Variants in TMEM272 observed in about 807,000 individuals in gnomAD.
TMEM272 encodes transmembrane protein 272, also known as long intergenic non-protein coding RNA 282.
Under a neutral mutation model 3.7 loss-of-function variants are expected in TMEM272, and 8 were observed. The ratio of observed to expected loss-of-function variants is 2.17; its 90% CI spans 1.27 to 3.91. The LOEUF (loss-of-function observed/expected upper bound fraction) is 3.91, where lower values mean the gene tolerates loss of function less well. Ranked by LOEUF, TMEM272 falls within the 30% of genes most tolerant of loss-of-function variation. TMEM272 has a pLI of 0.00. For synonymous variants in TMEM272, 63 were observed against 39.8 expected, an observed-to-expected ratio of 1.58 and a Z score of -2.20; for missense variants, 166 against 91.5, an observed-to-expected ratio of 1.81 and a Z score of -3.32.
the TMEM272 span, among the ~76,000 whole-genome samples, chr13:51,859,569 A>G: frequency 6.6e-6 from 1 of 150,990 alleles, no homozygotes; most frequent in Non-Finnish European, 1.5e-5. Context: ...CAGCAAAGGA[A>G]AGGAGACATC....
At chr13:51,854,913 C>T in the TMEM272 span, among the ~76,000 whole-genome samples, 1 of 152,246 alleles carries the variant, frequency 6.6e-6, no homozygotes, top group East Asian at 1.9e-4. Context: ...CATATGAGTA[C>T]TGCACTAGGT....
chr13:51,887,206 T>C, the TMEM272 span, among the ~76,000 whole-genome samples: 2 of 152,334 alleles, frequency 1.3e-5, no homozygotes, highest in South Asian at 4.1e-4. Flanking sequence ...GGGGAGTTGA[T>C]AGTTGTCATT....
intron 2 of TMEM272, among the ~76,000 whole-genome samples, chr13:51,832,769 A>G (rs552704965): frequency 1.3e-5 from 2 of 152,322 alleles, no homozygotes; most frequent in South Asian, 2.1e-4. Flanking sequence ...GGGTATTTTT[A>G]TTAGCACTTA....
At chr13:51,910,833 C>A in the TMEM272 span, among the ~76,000 whole-genome samples, 1 of 152,232 alleles carries the variant, frequency 6.6e-6, no homozygotes, top group Non-Finnish European at 1.5e-5. Context: ...CCCCTTGTTA[C>A]ACTCTACATC....
intron 2 of TMEM272, among the ~76,000 whole-genome samples, chr13:51,829,153 A>G (rs1956151452): frequency 6.6e-6 from 1 of 152,236 alleles, no homozygotes; most frequent in Non-Finnish European, 1.5e-5. Context: ...ATTAAACACA[A>G]GTTGTGTCAT....
At chr13:51,929,514 G>A in the TMEM272 span, among the ~76,000 whole-genome samples, 52 of 152,214 alleles carry the variant, frequency 3.4e-4, no homozygotes, top group Admixed American at 1.3e-4. Context: ...TGGTCAGATA[G>A]ACACGGGATG....
the TMEM272 span, among the ~76,000 whole-genome samples, chr13:51,874,880 CTT>C: frequency 1.3e-5 from 2 of 152,168 alleles, no homozygotes; most frequent in Admixed American, 1.3e-4. Flanking sequence ...GAAATGAGCT[CTT>C]AAGTAATATA....
rs771166493 is a variant in TMEM272 at position 51,817,009 on chromosome 13, C to T, written c.306G>A (p.Ala102=). ...DDDEYPWRQN[A]HRYYIHLLLS... is the part of the protein sequence containing the mutation. ...GCAGGAGGTGGATGTAGTATCTGTG[C>T]GCATTCTGCCTCCAGGGGTATTCGT... The change falls in exon 5 of 5, where the codon GCG becomes GCA. Residue 102 remains alanine, a synonymous_variant. Transcript: ENST00000629372. The T allele has an allele frequency of 1.5e-4, 107 of 702,888 alleles. No individual in the cohort carries two copies. Among genetic ancestry groups the T allele is most frequent in the Non-Finnish European group, 2.4e-4 (91 of 385,014 alleles). The allele number at this position is 702,888 out of a possible 1,614,324, so 43.5% of individuals were successfully genotyped here.
chr13:51,859,554 C>CACA, the TMEM272 span, among the ~76,000 whole-genome samples: 4 of 125,226 alleles, frequency 3.2e-5, no homozygotes, highest in Non-Finnish European at 7.1e-5. Context: ...ACACAGACAC[C>CACA]CCCTCAGCAA....
At chr13:51,921,529 C>T in the TMEM272 span, 4 of 152,328 alleles carry the variant, frequency 2.6e-5, no homozygotes, top group East Asian at 1.9e-4. Flanking sequence ...GGGAATCTAC[C>T]GAGGTGGGGC....
the TMEM272 span, among the ~76,000 whole-genome samples, chr13:51,906,171 A>C: frequency 6.6e-6 from 1 of 152,130 alleles, no homozygotes; most frequent in Non-Finnish European, 1.5e-5. Context: ...GCATGTCAGT[A>C]CCCCCTGCAA....
chr13:51,921,911 CGT>C, the TMEM272 span, among the ~76,000 whole-genome samples: 6 of 151,778 alleles, frequency 4.0e-5, no homozygotes, highest in Non-Finnish European at 8.8e-5. Flanking sequence ...CCACTGTGTG[CGT>C]GTGTGTGTGT....
chr13:51,931,198 C>A, the TMEM272 span, among the ~76,000 whole-genome samples: 8 of 151,448 alleles, frequency 5.3e-5, no homozygotes, highest in African/African-American at 1.7e-4. Flanking sequence ...ATAGTAAAGG[C>A]TTGGAACCAA....
the TMEM272 span, among the ~76,000 whole-genome samples, chr13:51,892,655 T>C: frequency 2.6e-5 from 4 of 152,152 alleles, no homozygotes; most frequent in African/African-American, 9.7e-5. Context: ...CCCAGCTCCA[T>C]CACACAGCCT....
chr13:51,892,000 G>C, the TMEM272 span, among the ~76,000 whole-genome samples: 1 of 152,216 alleles, frequency 6.6e-6, no homozygotes, highest in Non-Finnish European at 1.5e-5. Context: ...GTAATGCTAT[G>C]CGAGCTCACA....
the TMEM272 span, among the ~76,000 whole-genome samples, chr13:51,880,620 A>G: frequency 8.6e-6 from 1 of 116,318 alleles, no homozygotes; most frequent in Non-Finnish European, 1.8e-5. Context: ...AAAATAAAAT[A>G]AAAAAATTGA....
intron 1 of TMEM272, among the ~76,000 whole-genome samples, chr13:51,843,718 C>A (rs192494323): frequency 9.7e-4 from 147 of 152,304 alleles, no homozygotes; most frequent in Admixed American, 3.9e-3. Flanking sequence ...ACAAGTCTAT[C>A]CTTGGGCATG....
intron 2 of TMEM272, among the ~76,000 whole-genome samples, chr13:51,832,751 G>C (rs764920715): frequency 2.6e-5 from 4 of 152,170 alleles, no homozygotes; most frequent in Non-Finnish European, 4.4e-5. Context: ...ATAGCAATTT[G>C]CATGAGGGGG....
rs148067352 is a variant in TMEM272, at chr13:51,822,153, A to C, written c.119-16T>G. 4 of 688,904 alleles carry C rather than the reference A, an allele frequency of 5.8e-6. No individual in the cohort carries two copies. The highest frequency in any genetic ancestry group is 1.1e-5 in the Non-Finnish European group (4 of 379,980). 42.7% of individuals were successfully genotyped at this position (688,904 alleles called of 1,614,324 possible). A position where few individuals can be genotyped will look rare whatever the true frequency, so the allele number is the denominator to read the frequency against. On this transcript the variant is annotated splice_polypyrimidine_tract_variant and intron_variant, in intron 3 of 4. Coordinates refer to ENST00000629372, the MANE Select transcript of TMEM272 (RefSeq NM_001351003.2). ...AATTTCATTCCTACATAGGGCAAAC[A>C]GAAGAGGATTGAGAGAAATACATTC...
Sources: gnomAD v4.1 joint callset for allele counts (sites outside exome capture counted in the v4.1 genomes callset) on GRCh38, gnomAD v4.1.1 for gene constraint, MANE v1.5 for transcripts, NCBI Gene and HGNC (gene_info 2026-07-23, HGNC 2026-07-21) for gene names.